DIAPH2: variants seen among roughly 807,000 people sequenced by gnomAD.
The protein encoded by DIAPH2 is protein diaphanous homolog 2.
In DIAPH2, 35 loss-of-function variants were observed where a neutral mutation model predicts 92.7. That is an observed-to-expected ratio of 0.38 (90% CI 0.29 to 0.50). The LOEUF is 0.50. Among genes scored for constraint, DIAPH2 ranks in the 20% least tolerant of loss-of-function variants. DIAPH2 has a pLI of 0.94. For synonymous variants in DIAPH2, 301 were observed against 280.4 expected, an observed-to-expected ratio of 1.07 and a Z score of -0.73; for missense variants, 701 against 819.5, an observed-to-expected ratio of 0.86 and a Z score of 1.77.
chrX:96,885,171 T>C, intron 5 of DIAPH2: 1 of 902,156 alleles, frequency 1.1e-6, no homozygotes, highest in Non-Finnish European at 1.5e-6. Context: ...GTTGACTTTT[T>C]AGGAAGTAGG....
chrX:97,256,052 C>G (rs1385072941), intron 23 of DIAPH2, among the ~76,000 whole-genome samples: 1 of 112,120 alleles, frequency 8.9e-6, no homozygotes, highest in Non-Finnish European at 1.9e-5. Context: ...GAACATAAAA[C>G]GGAACTTAAT....
At chrX:97,519,162 G>A (rs1188704114) in intron 26 of DIAPH2, among the ~76,000 whole-genome samples, 4 of 111,581 alleles carry the variant, frequency 3.6e-5, no homozygotes, top group African/African-American at 1.3e-4. Flanking sequence ...GCTTGACCAG[G>A]TTGCTTCGTT....
intron 26 of DIAPH2, among the ~76,000 whole-genome samples, chrX:97,514,959 T>G (rs1399524817): frequency 9.1e-6 from 1 of 110,488 alleles, no homozygotes; most frequent in Non-Finnish European, 1.9e-5. Flanking sequence ...ACTGCTGTCT[T>G]TTTGTTTGTC....
At chrX:97,138,321 A>G (rs1326986606) in intron 21 of DIAPH2, among the ~76,000 whole-genome samples, 1 of 112,205 alleles carries the variant, frequency 8.9e-6, no homozygotes, top group Non-Finnish European at 1.9e-5. Context: ...ATGTACTTGA[A>G]CATATAAAAT....
At chrX:97,073,116 G>T in intron 18 of DIAPH2, 74 bp downstream of exon 18, 1 of 691,699 alleles carries the variant, frequency 1.4e-6, no homozygotes, top group South Asian at 2.8e-5. Context: ...TGTATTTAAT[G>T]AAAGTTGTAA....
chrX:97,573,088 G>A (rs1018673003), intron 26 of DIAPH2, among the ~76,000 whole-genome samples: 5 of 111,275 alleles, frequency 4.5e-5, no homozygotes, highest in Non-Finnish European at 7.5e-5. Context: ...TTAATGTTTC[G>A]TTAGTCAGAA....
intron 24 of DIAPH2, among the ~76,000 whole-genome samples, chrX:97,379,990 A>G (rs186501580): frequency 1.8e-5 from 2 of 110,480 alleles, no homozygotes; most frequent in East Asian, 2.8e-4. Context: ...TTTTTAGCAT[A>G]TGACATTTTT....
intron 25 of DIAPH2, among the ~76,000 whole-genome samples, chrX:97,416,810 A>T (rs188531624): frequency 8.4e-4 from 94 of 112,263 alleles, no homozygotes; most frequent in Non-Finnish European, 1.5e-3. Context: ...GCCATATAAC[A>T]TGTTTATCAA....
intron 4 of DIAPH2, among the ~76,000 whole-genome samples, chrX:96,792,639 T>C (rs1387640976): frequency 8.9e-6 from 1 of 112,332 alleles, no homozygotes. Context: ...AAACCACTTA[T>C]AAATTGGGAC....
At chrX:97,157,858 A>G (rs1237958655) in intron 22 of DIAPH2, among the ~76,000 whole-genome samples, 1 of 112,375 alleles carries the variant, frequency 8.9e-6, no homozygotes, top group East Asian at 2.8e-4. Context: ...TTCTGTTCTC[A>G]AAACTAATTA....
At chrX:97,305,994 A>T (rs1392871775) in intron 23 of DIAPH2, among the ~76,000 whole-genome samples, 2 of 109,216 alleles carry the variant, frequency 1.8e-5, no homozygotes, top group Non-Finnish European at 3.8e-5. Flanking sequence ...GTCTGGCCCC[A>T]GAAAAAGGTT....
intron 17 of DIAPH2, among the ~76,000 whole-genome samples, chrX:97,030,245 G>A (rs2066364179): frequency 9.0e-6 from 1 of 111,369 alleles, no homozygotes. Flanking sequence ...AAGGTAGTAG[G>A]GATGGAGAAG....
At chrX:96,843,186 G>A (rs759312867) in intron 4 of DIAPH2, among the ~76,000 whole-genome samples, 23 of 110,992 alleles carry the variant, frequency 2.1e-4, no homozygotes, top group Admixed American at 5.8e-4. Flanking sequence ...AAAGTGTGTA[G>A]CACTCTCCGT....
chrX:97,280,876 G>A (rs763447330), intron 23 of DIAPH2, among the ~76,000 whole-genome samples: 1 of 111,812 alleles, frequency 8.9e-6, no homozygotes, highest in South Asian at 3.8e-4. Flanking sequence ...CTGAGGTAGA[G>A]ATTTGATGAA....
At chrX:96,750,323 G>T (rs779654696) in intron 3 of DIAPH2, among the ~76,000 whole-genome samples, 1 of 111,396 alleles carries the variant, frequency 9.0e-6, no homozygotes, top group African/African-American at 3.3e-5. Context: ...ACTGTGCCTG[G>T]CTAATTTCGA....
intron 17 of DIAPH2, among the ~76,000 whole-genome samples, chrX:97,071,986 A>G (rs1045930810): frequency 8.9e-6 from 1 of 112,065 alleles, no homozygotes; most frequent in Non-Finnish European, 1.9e-5. Context: ...CTTGACTGAA[A>G]AAGTACTAGC....
chrX:96,923,219 A>T (rs1171167348), intron 9 of DIAPH2, among the ~76,000 whole-genome samples: 2 of 112,276 alleles, frequency 1.8e-5, no homozygotes, highest in Non-Finnish European at 1.9e-5. Context: ...CAATATTTCA[A>T]TATATACAAA....
chrX:97,295,088 A>ATTTACTAATAAACT (rs1384880704), intron 23 of DIAPH2, among the ~76,000 whole-genome samples: 1 of 111,290 alleles, frequency 9.0e-6, no homozygotes, highest in Non-Finnish European at 1.9e-5. Flanking sequence ...AACTCAGTAT[A>ATTTACTAATAAACT]TTTACTAATA....
intron 1 of DIAPH2, among the ~76,000 whole-genome samples, chrX:96,686,247 G>A (rs761686219): frequency 1.8e-5 from 2 of 111,484 alleles, no homozygotes; most frequent in Non-Finnish European, 3.8e-5. Context: ...GTTTCTTATG[G>A]CATCTGGCCA....
Sources: gnomAD v4.1 joint callset for allele counts (sites outside exome capture counted in the v4.1 genomes callset) on GRCh38, gnomAD v4.1.1 for gene constraint, MANE v1.5 for transcripts, NCBI Gene and HGNC (gene_info 2026-07-23, HGNC 2026-07-21) for gene names.